SRGAP2C: variants seen among roughly 807,000 people sequenced by gnomAD.
The protein encoded by SRGAP2C is SLIT-ROBO Rho GTPase-activating protein 2C.
Under a neutral mutation model 25.1 loss-of-function variants are expected in SRGAP2C, and 15 were observed. The observed-to-expected ratio is 0.60, with a 90% CI of 0.40 to 0.92. The LOEUF (loss-of-function observed/expected upper bound fraction) is 0.92, where lower values mean the gene tolerates loss of function less well. Ranked by LOEUF, SRGAP2C falls within the 40% of genes least tolerant of loss-of-function variation. SRGAP2C has a pLI of 0.00. For synonymous variants in SRGAP2C, 44 were observed against 96.6 expected (o/e 0.46, Z 3.19); for missense variants, 144 against 264.4 (o/e 0.54, Z 3.16).
intron 2 of SRGAP2C, among the ~76,000 whole-genome samples, chr1:121,207,330 TC>T (rs1193907900): frequency 6.6e-6 from 1 of 151,226 alleles, no homozygotes; most frequent in Admixed American, 6.6e-5. Flanking sequence ...AAACTGGAGT[TC>T]TGAGCTGCCT....
At chr1:121,234,969 T>G (rs1251179301) in intron 2 of SRGAP2C, among the ~76,000 whole-genome samples, 1 of 151,638 alleles carries the variant, frequency 6.6e-6, no homozygotes, top group Admixed American at 6.6e-5. Context: ...CTTCTTTTCT[T>G]TCCTCCCTCC....
chr1:121,230,583 AG>A (rs1220423714), intron 2 of SRGAP2C, among the ~76,000 whole-genome samples: 1 of 145,902 alleles, frequency 6.9e-6, no homozygotes, highest in Non-Finnish European at 1.5e-5. Context: ...GTCCTGTCTC[AG>A]GGCCCTGCTG....
rs1414632377 is a variant in SRGAP2C, at chr1:121,365,694, C to T, written c.486+339C>T. Reference sequence around the variant, plus strand: ...GGGACCCTGAACTAATGGCAAGGAACGTAGCCTGCATTGCACTATTAATAT... The same window carrying T: ...GGGACCCTGAACTAATGGCAAGGAATGTAGCCTGCATTGCACTATTAATAT... On this transcript the variant is annotated intron_variant, in intron 5 of 9. Transcript: ENST00000367123. Among the ~76,000 whole-genome samples, 44 of 91,914 alleles carry T rather than the reference C, an allele frequency of 4.8e-4. 11 individuals carry two copies. Among genetic ancestry groups the T allele is most frequent in the Non-Finnish European group, 2.1e-4 (9 of 42,764 alleles). 60.3% of individuals were successfully genotyped at this position (91,914 alleles called of 152,430 possible).
chr1:121,198,994 A>G (rs1440695375), intron 2 of SRGAP2C, among the ~76,000 whole-genome samples: 2 of 152,210 alleles, frequency 1.3e-5, no homozygotes, highest in African/African-American at 2.4e-5. Flanking sequence ...TCCCTGTAAG[A>G]TGGGAACAAC....
intron 7 of SRGAP2C, among the ~76,000 whole-genome samples, chr1:121,375,842 G>A (rs1396953110): frequency 4.6e-5 from 7 of 151,794 alleles, no homozygotes; most frequent in South Asian, 4.2e-4. Context: ...AGAGGACTAC[G>A]AGACTCACTT....
chr1:121,309,040 T>C (rs1446495129), intron 3 of SRGAP2C, among the ~76,000 whole-genome samples: 1 of 135,358 alleles, frequency 7.4e-6, no homozygotes. Flanking sequence ...GATGTATTTG[T>C]CTTTTCAGAC....
intron 7 of SRGAP2C, among the ~76,000 whole-genome samples, chr1:121,378,838 C>T (rs1345633364): frequency 2.5e-4 from 38 of 152,202 alleles, no homozygotes; most frequent in East Asian, 2.3e-3. Context: ...GACTAGCCTC[C>T]GACTTCTTTT....
At chr1:121,232,620 CT>C (rs1168080034) in intron 2 of SRGAP2C, among the ~76,000 whole-genome samples, 1 of 148,780 alleles carries the variant, frequency 6.7e-6, no homozygotes, top group African/African-American at 2.5e-5. Flanking sequence ...TTTGCTGCAT[CT>C]AGTTTTACTG....
chr1:121,208,191 T>A (rs1655163489), intron 2 of SRGAP2C, among the ~76,000 whole-genome samples: 1 of 152,178 alleles, frequency 6.6e-6, no homozygotes, highest in African/African-American at 2.4e-5. Context: ...AAGTGGACCA[T>A]CTCTTGGTGT....
At chr1:121,202,244 C>A (rs1184378202) in intron 2 of SRGAP2C, among the ~76,000 whole-genome samples, 1 of 152,070 alleles carries the variant, frequency 6.6e-6, no homozygotes, top group Non-Finnish European at 1.5e-5. Flanking sequence ...GGGTTCTCAG[C>A]AACTTGGGAA....
intron 4 of SRGAP2C, chr1:121,360,792 G>A (rs1238694197): frequency 7.0e-6 from 1 of 143,544 alleles, no homozygotes; most frequent in Non-Finnish European, 1.5e-5. Flanking sequence ...TGCTGCCAGA[G>A]CTTAATACAG....
At chr1:121,239,853 A>G (rs1553329576) in intron 2 of SRGAP2C, among the ~76,000 whole-genome samples, 12 of 152,286 alleles carry the variant, frequency 7.9e-5, no homozygotes, top group Non-Finnish European at 1.8e-4. Flanking sequence ...CCTTTATAGA[A>G]AGAGTTTACT....
At chr1:121,328,497 T>C (rs1570786087) in intron 4 of SRGAP2C, among the ~76,000 whole-genome samples, 3 of 152,128 alleles carry the variant, frequency 2.0e-5, no homozygotes, top group Non-Finnish European at 2.9e-5. Context: ...TTATATGTAT[T>C]ATCTCCTTTA....
chr1:121,265,220 C>T (rs1656743203), intron 2 of SRGAP2C, among the ~76,000 whole-genome samples: 1 of 146,412 alleles, frequency 6.8e-6, no homozygotes, highest in South Asian at 2.2e-4. Flanking sequence ...AAATGAACTT[C>T]TTTCAGAGTA....
intron 4 of SRGAP2C, among the ~76,000 whole-genome samples, chr1:121,355,201 A>G (rs1302128518): frequency 2.0e-5 from 3 of 149,078 alleles, no homozygotes; most frequent in East Asian, 2.0e-4. Context: ...TGTCTCAGTG[A>G]ATGATTAAAC....
intron 2 of SRGAP2C, among the ~76,000 whole-genome samples, chr1:121,275,045 C>G (rs1657069694): frequency 6.6e-6 from 1 of 150,578 alleles, no homozygotes; most frequent in African/African-American, 2.4e-5. Context: ...TTAAATCCCC[C>G]CCACCCAAGG....
At chr1:121,329,316 A>C (rs1553341996) in intron 4 of SRGAP2C, among the ~76,000 whole-genome samples, 3,570 of 152,090 alleles carry the variant, frequency 0.023, 61 homozygotes, top group Non-Finnish European at 0.036. Flanking sequence ...ATACTGTATT[A>C]GGATTCTCTA....
intron 3 of SRGAP2C, among the ~76,000 whole-genome samples, chr1:121,305,211 CATCA>C (rs1657802537): frequency 6.6e-6 from 1 of 151,540 alleles, no homozygotes; most frequent in Non-Finnish European, 1.5e-5. Flanking sequence ...CCAGCATCAG[CATCA>C]GCATCAGCAT....
At chr1:121,332,112 TC>T (rs2101618057) in intron 4 of SRGAP2C, among the ~76,000 whole-genome samples, 1 of 107,806 alleles carries the variant, frequency 9.3e-6, no homozygotes, top group Non-Finnish European at 1.9e-5. Context: ...AAATTATGCC[TC>T]AATAAAGTTG....
Sources: allele counts gnomAD v4.1 joint callset (sites outside exome capture counted in the v4.1 genomes callset), GRCh38; gene constraint gnomAD v4.1.1; transcripts MANE v1.5; gene names NCBI Gene and HGNC (gene_info 2026-07-23, HGNC 2026-07-21).